Variants in CRYBG1 observed in about 807,000 individuals in gnomAD.
CRYBG1 encodes crystallin beta-gamma domain containing 1.
Under a neutral mutation model 189.2 loss-of-function variants are expected in CRYBG1, and 139 were observed. The ratio of observed to expected loss-of-function variants is 0.73; its 90% confidence interval spans 0.64 to 0.85. The LOEUF is 0.85. Ranked by LOEUF, CRYBG1 falls within the 40% of genes least tolerant of loss-of-function variation. The pLI is 0.00. For missense variants in CRYBG1, 2,611 were observed against 2,675.8 expected (o/e 0.98, Z 0.53); for synonymous variants, 1,023 against 1,017.1 (o/e 1.01, Z -0.11).
intron 1 of CRYBG1, among the ~76,000 whole-genome samples, chr6:106,400,726 G>A (rs1770705713): frequency 6.6e-6 from 1 of 152,132 alleles, no homozygotes. Flanking sequence ...TCATAATATA[G>A]TGAGATAGAC....
Position 106,535,757 on chromosome 6 carries a change from CTTTTTTTTTTTTTTTTTTTTT to C in CRYBG1, c.4719-3628_4719-3608del, listed in dbSNP as rs924751643. Among the ~76,000 whole-genome samples the C allele has an allele frequency of 6.0e-3, 14 of 2,352 alleles. 5 individuals are homozygous for C. The highest frequency in any genetic ancestry group is 0.038 in the East Asian group (3 of 78). The allele number at this position is 2,352 out of a possible 152,430, so 1.5% of individuals were successfully genotyped here. On this transcript the variant is annotated intron_variant, in intron 8 of 21. Coordinates refer to ENST00000633556, the MANE Select transcript of CRYBG1 (RefSeq NM_001371242.2). ...CCATCTTTGTTTCCCAAGCCACTAA[CTTTTTTTTTTTTTTTTTTTTT>C]TTTTTTTTTTTTTTTTTGAGACGGA...
chr6:106,565,164 C>CA lies in CRYBG1; in HGVS notation c.6301+1245dup, dbSNP rs1246195444. Among the ~76,000 whole-genome samples, 15 of 151,718 alleles carry CA rather than the reference C, an allele frequency of 9.9e-5. 1 individual carries two copies. Among genetic ancestry groups the CA allele is most frequent in the Admixed American group, 5.3e-4 (8 of 15,232 alleles). The stretch of plus-strand genomic sequence containing the variant: ...GAAACCCCGTCTCTACTAAAAAATA[C>CA]AAAAAAATTAGCTGGGTGTGGTGGT... On this transcript the variant is annotated intron_variant, in intron 21 of 21. Transcript: ENST00000633556.
chr6:106,471,840 T>C (rs116282500), intron 2 of CRYBG1, among the ~76,000 whole-genome samples: 1,915 of 152,018 alleles, frequency 0.013, 37 homozygotes, highest in African/African-American at 0.043. Context: ...AAGAGTCTTA[T>C]TTATTGGCAT....
chr6:106,522,111 A>G (rs981499646), intron 4 of CRYBG1, among the ~76,000 whole-genome samples: 6 of 152,168 alleles, frequency 3.9e-5, no homozygotes, highest in Non-Finnish European at 8.8e-5. Flanking sequence ...GAGTTCAGAG[A>G]CAGATGAGTT....
At chr6:106,539,799 G>A (rs192546958) in intron 9 of CRYBG1, among the ~76,000 whole-genome samples, 265 of 151,952 alleles carry the variant, frequency 1.7e-3, no homozygotes, top group African/African-American at 6.2e-3. Context: ...AAGCTTCAGC[G>A]CAGTGTAGGT....
At chr6:106,539,934 A>T (rs1224882669) in intron 9 of CRYBG1, among the ~76,000 whole-genome samples, 1 of 152,230 alleles carries the variant, frequency 6.6e-6, no homozygotes, top group Non-Finnish European at 1.5e-5. Context: ...GCTAAATTAA[A>T]TTCAGTCTTA....
chr6:106,525,208 G>A (rs1341295155), intron 5 of CRYBG1, 28 bp downstream of exon 5: 50 of 1,613,984 alleles, frequency 3.1e-5, no homozygotes, highest in Non-Finnish European at 4.2e-5. Context: ...TTCTAGTCTT[G>A]ATTCTATTTT....
intron 7 of CRYBG1, among the ~76,000 whole-genome samples, chr6:106,527,782 A>G (rs1773775641): frequency 6.6e-6 from 1 of 152,026 alleles, no homozygotes; most frequent in African/African-American, 2.4e-5. Flanking sequence ...TTTTTCATTT[A>G]TTTAGTGTTT....
At position 106,423,694 on chromosome 6, in the gene CRYBG1, C is replaced by CTTTTTTTTTTTTTTTTTTTT. The variant is rs1350862841; in HGVS notation, c.174-28000_174-27999insTTTTTTTTTTTTTTTTTTTT. Among the ~76,000 whole-genome samples, 11 of 101,246 alleles carry CTTTTTTTTTTTTTTTTTTTT rather than the reference C, an allele frequency of 1.1e-4. 4 individuals carry two copies. The highest frequency in any genetic ancestry group is 5.6e-5 in the Non-Finnish European group (3 of 53,574). The allele number at this position is 101,246 out of a possible 152,430, so 66.4% of individuals were successfully genotyped here. ...CCCTCCAGTCCTCAGTTCTCCCTCCCCTTTTTTTTTTTTTTTTTTTTTTTT... is the reference window on the plus strand; with the variant it reads ...CCCTCCAGTCCTCAGTTCTCCCTCCCTTTTTTTTTTTTTTTTTTTTCTTTTTTTTTTTTTTTTTTTTTTTT... On this transcript the variant is annotated intron_variant, in intron 1 of 21. Transcript: ENST00000633556.
intron 1 of CRYBG1, among the ~76,000 whole-genome samples, chr6:106,445,952 T>C (rs1457692837): frequency 6.6e-6 from 1 of 152,252 alleles, no homozygotes; most frequent in African/African-American, 2.4e-5. Context: ...ATCCTCACAC[T>C]GTCATTAGAT....
At position 106,513,056 on chromosome 6, in the gene CRYBG1, G is replaced by A; in HGVS notation, c.1922+17G>A. 6.3e-7 allele frequency: 1 copy of A among 1,591,194 alleles called. No individual in the cohort carries two copies. The highest frequency in any genetic ancestry group is 8.5e-7 in the Non-Finnish European group (1 of 1,175,758). On this transcript the variant is annotated intron_variant, in intron 3 of 21. Transcript: ENST00000633556. The stretch of plus-strand genomic sequence containing the variant: ...AGTGACCCTGTAAGTAGCCGCGCAA[G>A]TCCCGGCCGAGTTGCTGTCCGCACA...
intron 19 of CRYBG1, 49 bp downstream of exon 19, chr6:106,560,975 T>A (rs1442787964): frequency 6.6e-7 from 1 of 1,510,644 alleles, no homozygotes. Context: ...CTGAAATTTT[T>A]TTGTAAATGC....
At chr6:106,375,375 G>A (rs1210761281) in intron 1 of CRYBG1, among the ~76,000 whole-genome samples, 26 of 149,974 alleles carry the variant, frequency 1.7e-4, no homozygotes, top group Non-Finnish European at 1.5e-5. Context: ...GACAGAGTGA[G>A]GCCCTGTCTT....
chr6:106,560,674 A>G, intron 18 of CRYBG1, 129 bp from the exon 19 acceptor site: 4 of 1,154,736 alleles, frequency 3.5e-6, no homozygotes, highest in Non-Finnish European at 4.7e-6. Flanking sequence ...AGAAAAGATC[A>G]TTTTTCCCCC....
Position 106,512,194 on chromosome 6 carries a change from G to A in CRYBG1, c.1077G>A (p.Gln359=). 6.5e-7 allele frequency: 1 copy of A among 1,535,664 alleles called. No homozygotes were observed. Among genetic ancestry groups the A allele is most frequent in the Non-Finnish European group, 8.7e-7 (1 of 1,146,524 alleles). Residue 359 remains glutamine (Q), a synonymous_variant, in exon 3 of 22, where the codon CAG becomes CAA. Transcript: ENST00000633556. ...EGAAHTASSA[Q]ADCTARPKGH... is the part of the protein sequence containing the mutation. ...CAGCGCACACGGCCAGCTCCGCGCAGGCAGACTGCACAGCCCGCCCCAAGG... is the reference window on the plus strand; with the variant it reads ...CAGCGCACACGGCCAGCTCCGCGCAAGCAGACTGCACAGCCCGCCCCAAGG...
intron 1 of CRYBG1, among the ~76,000 whole-genome samples, chr6:106,423,797 C>T (rs552969562): frequency 1.4e-5 from 2 of 143,452 alleles, no homozygotes; most frequent in Non-Finnish European, 3.0e-5. Flanking sequence ...CCTCAGTCTC[C>T]GGGGTTCAAG....
At chr6:106,401,741 A>AT (rs1391266010) in intron 1 of CRYBG1, among the ~76,000 whole-genome samples, 3 of 118,736 alleles carry the variant, frequency 2.5e-5, no homozygotes, top group Admixed American at 9.1e-5. Flanking sequence ...TGAACTCATC[A>AT]TTTTTTATGG....
intron 2 of CRYBG1, among the ~76,000 whole-genome samples, chr6:106,470,755 T>C (rs72933575): frequency 0.043 from 6,498 of 152,258 alleles, 227 homozygotes; most frequent in Middle Eastern, 0.092. Context: ...GTATCACTCT[T>C]AAAGGGCCAC....
At chr6:106,525,446 CT>C in intron 6 of CRYBG1, 60 bp downstream of exon 6, 1 of 1,292,568 alleles carries the variant, frequency 7.7e-7, no homozygotes, top group Non-Finnish European at 1.1e-6. Context: ...ACTTAATTAA[CT>C]TTTTAGTCCT....
Sources: allele counts gnomAD v4.1 joint callset (sites outside exome capture counted in the v4.1 genomes callset), GRCh38; gene constraint gnomAD v4.1.1; transcripts MANE v1.5; gene names NCBI Gene and HGNC (gene_info 2026-07-23, HGNC 2026-07-21).